The following ATP2C2 variants were observed in gnomAD, a reference collection of about 807,000 sequenced individuals.
The protein encoded by ATP2C2 is ATPase secretory pathway Ca2+ transporting 2.
In ATP2C2, 171 loss-of-function variants were observed where a neutral mutation model predicts 110.8. The observed-to-expected ratio is 1.54, with a 90% CI of 1.36 to 1.75. The LOEUF (loss-of-function observed/expected upper bound fraction) is 1.75. ATP2C2 is among the 40% of genes most tolerant of loss of function. The pLI is 0.00. For synonymous variants in ATP2C2, 804 were observed against 508.4 expected (o/e 1.58, Z -7.82); for missense variants, 1,963 against 1,235.0 (o/e 1.59, Z -8.84).
intron 1 of ATP2C2, among the ~76,000 whole-genome samples, chr16:84,390,889 G>A (rs1339055439): frequency 2.0e-5 from 3 of 152,230 alleles, no homozygotes; most frequent in East Asian, 1.9e-4. Context: ...CGAGGTGGGC[G>A]GATCACCTGA....
chr16:84,419,613 C>T (rs953184792), intron 7 of ATP2C2, among the ~76,000 whole-genome samples: 2 of 145,406 alleles, frequency 1.4e-5, no homozygotes. Context: ...GGCCACACTG[C>T]AGCCCTTTTC....
rs267604667 is a variant in ATP2C2 at position 84,453,215 on chromosome 16, C to G, written c.1909C>G (p.Leu637Val). The stretch of plus-strand genomic sequence containing the variant: ...GGTGGACAGCGTGGAGAAGGGCGAG[C>G]TGGCCGACCGCGTGGGGAAGGTGGG... ...EEVDSVEKGE[L>V]ADRVGKVSVF... is the part of the protein sequence containing the mutation. Residue 637 changes from leucine (L) to valine (V), a missense_variant, in exon 19 of 27, where the codon CTG (leucine) becomes GTG (valine). Leu to Val is a conservative substitution (Grantham distance 32). Coordinates refer to ENST00000262429, the MANE Select transcript of ATP2C2 (RefSeq NM_014861.4). The G allele has an allele frequency of 2.5e-5, 41 of 1,613,906 alleles. No individual in the cohort carries two copies. The African/African-American group carries it at 3.1e-4, about 12-fold the overall frequency.
At chr16:84,371,018 T>G (rs760147073) in intron 1 of ATP2C2, among the ~76,000 whole-genome samples, 1 of 152,122 alleles carries the variant, frequency 6.6e-6, no homozygotes, top group Non-Finnish European at 1.5e-5. Flanking sequence ...AGGATACAGA[T>G]GTGTACAAAA....
At chr16:84,377,564 A>G (rs189936398) in intron 1 of ATP2C2, among the ~76,000 whole-genome samples, 1 of 152,062 alleles carries the variant, frequency 6.6e-6, no homozygotes, top group Non-Finnish European at 1.5e-5. Context: ...TCCTCTGTGC[A>G]TGGCTGTGTC....
At chr16:84,409,935 T>C (rs1047380867) in intron 4 of ATP2C2, among the ~76,000 whole-genome samples, 6 of 151,976 alleles carry the variant, frequency 3.9e-5, no homozygotes, top group Admixed American at 2.0e-4. Flanking sequence ...GTAGGCCGGG[T>C]GCGGTGGCTC....
rs183241567 is a variant in ATP2C2 at position 84,409,055 on chromosome 16, A to G, written c.417+561A>G. 4.4e-3 allele frequency among the ~76,000 whole-genome samples: 664 copies of G among 152,244 alleles called. 3 individuals are homozygous for G. Among genetic ancestry groups the G allele is most frequent in the South Asian group, 0.013 (64 of 4,808 alleles). On this transcript the variant is annotated intron_variant, in intron 4 of 26. Coordinates refer to ENST00000262429, the MANE Select transcript of ATP2C2 (RefSeq NM_014861.4). ...GTCCCCGCTCCTACCAGCCCTTGGCAACCACCAATCTTTTTCTATCTCTGT... is the reference window on the plus strand; with the variant it reads ...GTCCCCGCTCCTACCAGCCCTTGGCGACCACCAATCTTTTTCTATCTCTGT...
chr16:84,381,327 G>C (rs1163817339), intron 1 of ATP2C2, among the ~76,000 whole-genome samples: 1 of 152,070 alleles, frequency 6.6e-6, no homozygotes, highest in Non-Finnish European at 1.5e-5. Flanking sequence ...AGTTACTTCA[G>C]GCCATCTGGA....
In ATP2C2 at chr16:84,459,130, G is replaced by T; in HGVS notation, c.2158G>T (p.Glu720Ter). Residue 720 changes from glutamate (E) to a stop codon, truncating the protein, a stop_gained, in exon 22 of 27, where the codon GAG becomes TAG. Coordinates refer to ENST00000262429, the MANE Select transcript of ATP2C2 (RefSeq NM_014861.4). LOFTEE classifies it high-confidence loss of function. ...DDFSAIMNAV[E>*]EGKGIFYNIK... is the part of the protein sequence containing the mutation. ...TCTCTTCTCTTGCAGGAATGCAGTGGAGGAAGGCAAGGGTATTTTTTACAA... is the reference window on the plus strand; with the variant it reads ...TCTCTTCTCTTGCAGGAATGCAGTGTAGGAAGGCAAGGGTATTTTTTACAA... 6.2e-7 allele frequency: 1 copy of T among 1,614,142 alleles called. No homozygotes were observed. Among genetic ancestry groups the T allele is most frequent in the Non-Finnish European group, 8.5e-7 (1 of 1,180,028 alleles).
At chr16:84,401,842 A>C (rs1043022489) in intron 2 of ATP2C2, among the ~76,000 whole-genome samples, 1 of 152,060 alleles carries the variant, frequency 6.6e-6, no homozygotes, top group Admixed American at 6.5e-5. Flanking sequence ...TAAATTTTTA[A>C]ATTGTTTTTT....
Position 84,461,823 on chromosome 16 carries a change from G to A in ATP2C2, c.2580+11G>A, listed in dbSNP as rs905980370. The A allele has an allele frequency of 6.2e-7, 1 of 1,612,842 alleles. No individual in the cohort carries two copies. Among genetic ancestry groups the A allele is most frequent in the Non-Finnish European group, 8.5e-7 (1 of 1,178,802 alleles). On this transcript the variant is annotated intron_variant, in intron 25 of 26. Coordinates refer to ENST00000262429, the MANE Select transcript of ATP2C2 (RefSeq NM_014861.4). ...ACCTGCCGCTCTCAGGTGAGACCCG[G>A]GCTGACCCTCCTCGCTGCAGAGCTG...
At chr16:84,418,475 T>G (rs1907031841) in intron 7 of ATP2C2, among the ~76,000 whole-genome samples, 1 of 152,230 alleles carries the variant, frequency 6.6e-6, no homozygotes, top group Non-Finnish European at 1.5e-5. Context: ...TTTTGTCATA[T>G]GAAGACAACG....
intron 21 of ATP2C2, 83 bp downstream of exon 21, chr16:84,455,067 T>TGG: frequency 2.1e-6 from 2 of 974,054 alleles, no homozygotes; most frequent in South Asian, 1.5e-5. Flanking sequence ...ACTGTGGAGA[T>TGG]AGAGGGGGGG....
intron 1 of ATP2C2, among the ~76,000 whole-genome samples, chr16:84,373,906 A>G (rs1213582394): frequency 6.6e-6 from 1 of 152,214 alleles, no homozygotes; most frequent in Admixed American, 6.5e-5. Context: ...TGTATGTACA[A>G]AATGACATTT....
In ATP2C2 at chr16:84,422,704, G is replaced by A; in HGVS notation, c.843+7G>A. 6.2e-7 allele frequency: 1 copy of A among 1,601,680 alleles called. No homozygotes were observed. The highest frequency in any genetic ancestry group is 1.1e-5 in the South Asian group (1 of 89,920). ...GATGATGCAGGCTGAAGAGGTAAGG[G>A]GCAGGAGGGGGCTTCGGGACTTTTG... On this transcript the variant is annotated splice_region_variant and intron_variant, in intron 9 of 26. Transcript: ENST00000262429.
At chr16:84,384,293 T>C (rs903273949) in intron 1 of ATP2C2, among the ~76,000 whole-genome samples, 1 of 152,242 alleles carries the variant, frequency 6.6e-6, no homozygotes, top group African/African-American at 2.4e-5. Flanking sequence ...GTCTTCTGTA[T>C]TCTCGACCTT....
chr16:84,416,033 G>A (rs570364472), intron 7 of ATP2C2, among the ~76,000 whole-genome samples: 48 of 152,200 alleles, frequency 3.2e-4, no homozygotes, highest in Non-Finnish European at 6.5e-4. Flanking sequence ...AATTAGCTAG[G>A]CATGGTGGCA....
intron 6 of ATP2C2, among the ~76,000 whole-genome samples, chr16:84,411,245 A>T (rs574648312): frequency 2.4e-4 from 36 of 152,144 alleles, no homozygotes; most frequent in Non-Finnish European, 4.9e-4. Flanking sequence ...CAGCTGCAAC[A>T]GCCTCTTTCC....
In ATP2C2 at chr16:84,448,836, C is replaced by G. The variant is rs1156391000; in HGVS notation, c.1660+147C>G. 3.6e-6 allele frequency: 4 copies of G among 1,114,988 alleles called. No homozygotes were observed. The African/African-American group carries it at 4.7e-5, about 13-fold the overall frequency. 69.1% of individuals were successfully genotyped at this position (1,114,988 alleles called of 1,614,324 possible). A position where few individuals can be genotyped will look rare whatever the true frequency, so the allele number is the denominator to read the frequency against. On this transcript the variant is annotated intron_variant, in intron 17 of 26. Coordinates refer to ENST00000262429, the MANE Select transcript of ATP2C2 (RefSeq NM_014861.4). ...GACGGCAATAATGTGTGCTTGGAAC[C>G]TGATGGTCACATGAAAGGCACAGAG... is the stretch of plus-strand genomic sequence containing the variant.
At chr16:84,383,915 C>T (rs370495378) in intron 1 of ATP2C2, among the ~76,000 whole-genome samples, 1 of 151,376 alleles carries the variant, frequency 6.6e-6, no homozygotes, top group East Asian at 1.9e-4. Flanking sequence ...TCAGCCTCCC[C>T]AGTAGCTGGG....
Sources: gnomAD v4.1 joint callset for allele counts (sites outside exome capture counted in the v4.1 genomes callset) on GRCh38, gnomAD v4.1.1 for gene constraint, MANE v1.5 for transcripts, NCBI Gene and HGNC (gene_info 2026-07-23, HGNC 2026-07-21) for gene names.